TLN2: variants seen among roughly 807,000 people sequenced by gnomAD.
TLN2 encodes talin 2.
A neutral mutation model predicts 294.7 loss-of-function variants in TLN2; 118 were observed. The observed-to-expected ratio is 0.40, with a 90% CI of 0.34 to 0.47. The LOEUF (loss-of-function observed/expected upper bound fraction) is 0.47, where lower values mean the gene tolerates loss of function less well. TLN2 is among the 20% of genes least tolerant of loss of function. TLN2 has a pLI of 0.84. For missense variants in TLN2, 3,083 were observed against 3,282.2 expected (o/e 0.94, Z 1.48); for synonymous variants, 1,431 against 1,304.5 (o/e 1.10, Z -2.09).
At chr15:62,439,286 T>C (rs549058602) in intron 1 of TLN2, among the ~76,000 whole-genome samples, 1 of 152,298 alleles carries the variant, frequency 6.6e-6, no homozygotes, top group African/African-American at 2.4e-5. Flanking sequence ...AGATTGATCC[T>C]GGGATACAGA....
In TLN2 at chr15:62,783,854, G is replaced by A; in HGVS notation, c.5700G>A (p.Gln1900=). 6.2e-7 allele frequency: 1 copy of A among 1,614,052 alleles called. No individual in the cohort carries two copies. Among genetic ancestry groups the A allele is most frequent in the Non-Finnish European group, 8.5e-7 (1 of 1,179,954 alleles). The change falls in exon 45 of 59, where the codon CAG becomes CAA. Residue 1900 remains glutamine (Q), a synonymous_variant. Coordinates refer to ENST00000636159, the MANE Select transcript of TLN2 (RefSeq NM_015059.3). ...GTGACTATGGGCACCTGGCTTTCCA[G>A]GGCCAGATGGCAGCAGCCACGGCGG... ...MTSDYGHLAF[Q]GQMAAATAEP...
intron 57 of TLN2, 52 bp from the exon 58 acceptor site, chr15:62,838,804 G>C: frequency 6.3e-7 from 1 of 1,599,298 alleles, no homozygotes; most frequent in Non-Finnish European, 8.5e-7. Flanking sequence ...ATTCTTGCCA[G>C]GCCCAAATGG....
chr15:62,702,769 C>T lies in TLN2; in HGVS notation c.1909C>T (p.Arg637Ter), dbSNP rs771898088. The change falls in exon 19 of 59, where the codon CGA (arginine) becomes TGA (stop). Residue 637 changes from arginine (R) to a stop codon, truncating the protein, a stop_gained. Coordinates refer to ENST00000636159, the MANE Select transcript of TLN2 (RefSeq NM_015059.3). LOFTEE classifies it high-confidence loss of function. ...KAVQPTSGEP[R>*]QTVLTAAGSI... ...AAGGTGTGTTGTTTGTTCACAGCCTCGACAGACAGTTTTGACTGCTGCTGG... is the reference window on the plus strand; with the variant it reads ...AAGGTGTGTTGTTTGTTCACAGCCTTGACAGACAGTTTTGACTGCTGCTGG... The T allele has an allele frequency of 2.5e-6, 4 of 1,614,088 alleles. No homozygotes were observed. The highest frequency in any genetic ancestry group is 3.4e-6 in the Non-Finnish European group (4 of 1,179,976).
intron 16 of TLN2, among the ~76,000 whole-genome samples, chr15:62,699,922 C>T (rs935375892): frequency 1.3e-5 from 2 of 152,208 alleles, no homozygotes; most frequent in African/African-American, 2.4e-5. Context: ...TTGACAACCA[C>T]TGTTGTAGGA....
chr15:62,483,662 A>G (rs889838824), intron 1 of TLN2, among the ~76,000 whole-genome samples: 1 of 152,198 alleles, frequency 6.6e-6, no homozygotes, highest in African/African-American at 2.4e-5. Context: ...CATAAGAAGT[A>G]GGAGCTCCAA....
rs576416485 is a variant in TLN2 at position 62,587,035 on chromosome 15, C to G, written c.-237-2652C>G. On this transcript the variant is annotated intron_variant, in intron 1 of 58. Transcript: ENST00000636159. ...CATTGGTCACAGTAACACACTCACT[C>G]TAGCCAGCATAAGTGAAAAGGGAGA... Among the ~76,000 whole-genome samples the G allele has an allele frequency of 9.8e-5, 15 of 152,330 alleles. No homozygotes were observed. In the South Asian group the frequency reaches 2.9e-3, roughly 29 times the overall value.
At chr15:62,738,149 C>G in intron 29 of TLN2, 65 bp from the exon 30 acceptor site, 1 of 1,575,142 alleles carries the variant, frequency 6.3e-7, no homozygotes. Context: ...GTTTCACTGC[C>G]CATTCCCAAC....
intron 21 of TLN2, 85 bp from the exon 22 acceptor site, chr15:62,711,826 A>G (rs57185050): frequency 0.38 from 547,904 of 1,442,228 alleles, 107,354 homozygotes; most frequent in East Asian, 0.65. Flanking sequence ...CCAGAGGAGT[A>G]GAGACAAGAC....
chr15:62,604,576 A>G (rs2047269780), intron 2 of TLN2, among the ~76,000 whole-genome samples: 1 of 150,368 alleles, frequency 6.7e-6, no homozygotes, highest in Non-Finnish European at 1.5e-5. Flanking sequence ...TGTCAACAGT[A>G]TATTAAAGAG....
chr15:62,652,127 C>A lies in TLN2; in HGVS notation c.357C>A (p.Ser119Arg). ...GGGAGCTCCTGGTCACTATTTGTAG[C>A]AGAATAGGTGAGCATTCATACACCT... is the stretch of plus-strand genomic sequence containing the variant. ...TVGELLVTIC[S>R]RIGITNYEEY... The change falls in exon 6 of 59, where the codon AGC becomes AGA. Residue 119 changes from serine to arginine, a missense_variant. Transcript: ENST00000636159. 1 of 1,594,772 alleles carries A rather than the reference C, an allele frequency of 6.3e-7. No homozygotes were observed.
At chr15:62,749,986 G>T (rs1336133798) in intron 33 of TLN2, among the ~76,000 whole-genome samples, 4 of 152,124 alleles carry the variant, frequency 2.6e-5, no homozygotes, top group Non-Finnish European at 4.4e-5. Context: ...AAAACTGAGG[G>T]TTCTTACTGG....
intron 1 of TLN2, among the ~76,000 whole-genome samples, chr15:62,528,946 C>CA (rs2040883002): frequency 6.6e-6 from 1 of 152,224 alleles, no homozygotes; most frequent in African/African-American, 2.4e-5. Context: ...CATAGCTGAA[C>CA]ATCCTTAAAA....
chr15:62,571,975 C>T (rs1244746066), intron 1 of TLN2, among the ~76,000 whole-genome samples: 1 of 152,200 alleles, frequency 6.6e-6, no homozygotes, highest in Non-Finnish European at 1.5e-5. Flanking sequence ...GCAGGACAGA[C>T]CTGGAAGTCA....
rs1276055318 is a variant in TLN2, at chr15:62,692,961, A to G, written c.1215+20A>G. 1 of 1,591,622 alleles carries G rather than the reference A, an allele frequency of 6.3e-7. No individual in the cohort carries two copies. The highest frequency in any genetic ancestry group is 8.6e-7 in the Non-Finnish European group (1 of 1,168,780). On this transcript the variant is annotated intron_variant, in intron 13 of 58. Transcript: ENST00000636159. ...AAAAAGGTATTTTGTATTGATGCAA[A>G]TTGGAAAAGCAAGACGGCTTTATTA...
intron 1 of TLN2, among the ~76,000 whole-genome samples, chr15:62,432,460 C>T (rs1320297656): frequency 6.6e-6 from 1 of 152,150 alleles, no homozygotes; most frequent in Non-Finnish European, 1.5e-5. Context: ...TTAATCCACT[C>T]ATGAGGTTGG....
At chr15:62,719,658 C>T (rs1443306829) in intron 24 of TLN2, 109 bp from the exon 25 acceptor site, 1 of 801,054 alleles carries the variant, frequency 1.2e-6, no homozygotes, top group Admixed American at 3.2e-5. Context: ...GGCTGGCGTC[C>T]CCTGGGAGTA....
chr15:62,806,832 C>T (rs1027197130), intron 51 of TLN2, among the ~76,000 whole-genome samples: 6 of 152,142 alleles, frequency 3.9e-5, no homozygotes, highest in Non-Finnish European at 8.8e-5. Context: ...AGACCAGCTC[C>T]TACAGCGTGG....
chr15:62,573,939 G>A (rs1191688594), intron 1 of TLN2, among the ~76,000 whole-genome samples: 1 of 152,078 alleles, frequency 6.6e-6, no homozygotes, highest in Non-Finnish European at 1.5e-5. Flanking sequence ...GAGCTCAGCC[G>A]CCTGACTCCC....
At chr15:62,734,963 A>T (rs1436218582) in intron 28 of TLN2, among the ~76,000 whole-genome samples, 2 of 152,210 alleles carry the variant, frequency 1.3e-5, no homozygotes, top group Non-Finnish European at 2.9e-5. Context: ...GAGACCTTCC[A>T]GCTCAGTCCT....
Sources: gnomAD v4.1 joint callset for allele counts (sites outside exome capture counted in the v4.1 genomes callset) on GRCh38, gnomAD v4.1.1 for gene constraint, MANE v1.5 for transcripts, NCBI Gene and HGNC (gene_info 2026-07-23, HGNC 2026-07-21) for gene names.